FHL5: variants seen among roughly 807,000 people sequenced by gnomAD.
FHL5 encodes four and a half LIM domains protein 5.
A neutral mutation model predicts 32.0 loss-of-function variants in FHL5; 33 were observed. That is an observed-to-expected ratio of 1.03 (90% confidence interval 0.78 to 1.38). FHL5 has a LOEUF of 1.38. FHL5 is among the 40% of genes most tolerant of loss of function. FHL5 has a pLI of 0.00. For synonymous variants in FHL5, 114 were observed against 113.6 expected, an observed-to-expected ratio of 1.00 and a Z score of -0.02; for missense variants, 336 against 343.9, an observed-to-expected ratio of 0.98 and a Z score of 0.18.
intron 1 of FHL5, among the ~76,000 whole-genome samples, chr6:96,566,659 A>ATT (rs569064620): frequency 2.8e-3 from 410 of 147,766 alleles, no homozygotes; most frequent in African/African-American, 9.7e-3. Flanking sequence ...CCTTGTCAGC[A>ATT]TTTTTTTTTT....
chr6:96,564,261 T>C (rs567222179), intron 1 of FHL5, among the ~76,000 whole-genome samples: 10 of 152,302 alleles, frequency 6.6e-5, no homozygotes, highest in African/African-American at 2.4e-4. Flanking sequence ...CTAGCATTTT[T>C]ATTAGCAAAG....
At chr6:96,594,486 A>G (rs903687635) in intron 1 of FHL5, among the ~76,000 whole-genome samples, 5 of 151,472 alleles carry the variant, frequency 3.3e-5, no homozygotes, top group Admixed American at 2.0e-4. Context: ...AATTAGGCCG[A>G]CCTCTGGGTT....
chr6:96,571,473 T>C (rs1221222124), intron 1 of FHL5, among the ~76,000 whole-genome samples: 1 of 152,172 alleles, frequency 6.6e-6, no homozygotes, highest in Non-Finnish European at 1.5e-5. Context: ...GTGGCATGGG[T>C]TCTACGTGCA....
At chr6:96,602,727 T>C (rs1367329664) in intron 1 of FHL5, among the ~76,000 whole-genome samples, 1 of 152,188 alleles carries the variant, frequency 6.6e-6, no homozygotes, top group Non-Finnish European at 1.5e-5. Context: ...ATTCTAGCTA[T>C]TTTATCCATA....
intron 2 of FHL5, 112 bp from the exon 3 acceptor site, chr6:96,604,638 C>A: frequency 4.2e-6 from 3 of 721,154 alleles, no homozygotes; most frequent in Non-Finnish European, 6.4e-6. Flanking sequence ...TTCCCTCACG[C>A]TACTAGCACA....
intron 5 of FHL5, among the ~76,000 whole-genome samples, chr6:96,612,644 GACCCAAAAGTAATCTAAATTTT>G (rs1771435054): frequency 6.6e-6 from 1 of 151,982 alleles, no homozygotes; most frequent in Non-Finnish European, 1.5e-5. Flanking sequence ...TAAATAATCT[GACCCAAAAGTAATCTAAATTTT>G]ACCCAAAAGT....
At chr6:96,591,474 T>G (rs1770915566) in intron 1 of FHL5, among the ~76,000 whole-genome samples, 1 of 152,122 alleles carries the variant, frequency 6.6e-6, no homozygotes, top group Non-Finnish European at 1.5e-5. Context: ...GAACACTGTT[T>G]GGTATTATTT....
At chr6:96,603,917 G>T in intron 2 of FHL5, 145 bp downstream of exon 2, 1 of 617,646 alleles carries the variant, frequency 1.6e-6, no homozygotes, top group South Asian at 2.0e-5. Context: ...CAGCAGTCAA[G>T]CTCCAGCCAC....
intron 1 of FHL5, among the ~76,000 whole-genome samples, chr6:96,565,563 A>G (rs1348681601): frequency 1.3e-5 from 2 of 152,136 alleles, no homozygotes; most frequent in Non-Finnish European, 2.9e-5. Flanking sequence ...ATTCCTTTGC[A>G]TATTCATTTT....
At chr6:96,606,228 C>T (rs1207118649) in intron 4 of FHL5, among the ~76,000 whole-genome samples, 157 bp downstream of exon 4, 2 of 152,034 alleles carry the variant, frequency 1.3e-5, no homozygotes, top group African/African-American at 4.8e-5. Context: ...CTAGTTGTCA[C>T]GATGAGCATG....
At chr6:96,571,744 C>T (rs1770483423) in intron 1 of FHL5, among the ~76,000 whole-genome samples, 1 of 152,078 alleles carries the variant, frequency 6.6e-6, no homozygotes, top group Non-Finnish European at 1.5e-5. Context: ...GGAACTTTGG[C>T]CTTGGGAGCA....
intron 3 of FHL5, 143 bp downstream of exon 3, chr6:96,605,067 C>T: frequency 3.9e-6 from 2 of 513,138 alleles, no homozygotes; most frequent in Non-Finnish European, 6.7e-6. Flanking sequence ...CTTCCGTGTA[C>T]TTTAGAAATA....
At position 96,603,668 on chromosome 6, in the gene FHL5, A is replaced by G; in HGVS notation, c.55A>G (p.Lys19Glu). ...QYCTASLLGK[K>E]YVLKDDSPYC... The stretch of plus-strand genomic sequence containing the variant: ...CTGCACAGCATCACTTCTTGGGAAG[A>G]AATATGTACTAAAGGATGACAGTCC... The change falls in exon 2 of 6, where the codon AAA becomes GAA. Residue 19 changes from lysine (K) to glutamate (E), a missense_variant. Physicochemically the swap from Lys to Glu is moderately conservative, Grantham distance 56. Coordinates refer to ENST00000450218, the MANE Select transcript of FHL5 (RefSeq NM_001322466.2). 1 of 1,613,080 alleles carries G rather than the reference A, an allele frequency of 6.2e-7. No individual in the cohort carries two copies. Among genetic ancestry groups the G allele is most frequent in the East Asian group, 2.2e-5 (1 of 44,800 alleles).
Position 96,603,791 on chromosome 6 carries a change from T to G in FHL5, c.159+19T>G, listed in dbSNP as rs1161020821. 6.3e-7 allele frequency: 1 copy of G among 1,596,316 alleles called. No individual in the cohort carries two copies. Among genetic ancestry groups the G allele is most frequent in the Admixed American group, 1.7e-5 (1 of 58,368 alleles). ...TTCTAAGGTAAGTCTCACCTCAATT[T>G]ACAGAATTACTGCCTATGAACAGCA... On this transcript the variant is annotated intron_variant, in intron 2 of 5. Coordinates refer to ENST00000450218, the MANE Select transcript of FHL5 (RefSeq NM_001322466.2).
intron 1 of FHL5, among the ~76,000 whole-genome samples, chr6:96,594,256 TA>T (rs775328964): frequency 0.056 from 7,648 of 135,682 alleles, 398 homozygotes; most frequent in Middle Eastern, 0.12. Context: ...TATATATATA[TA>T]TATATATATA....
chr6:96,599,286 C>T (rs1771100912), intron 1 of FHL5, among the ~76,000 whole-genome samples: 1 of 150,558 alleles, frequency 6.6e-6, no homozygotes, highest in Non-Finnish European at 1.5e-5. Flanking sequence ...ACCTTCACCT[C>T]CTGGGTTCAA....
chr6:96,613,271 G>A (rs1183999501), intron 5 of FHL5, among the ~76,000 whole-genome samples: 2 of 152,148 alleles, frequency 1.3e-5, no homozygotes, highest in East Asian at 3.9e-4. Flanking sequence ...AAAAAGCTCT[G>A]AGAAATCTAC....
At chr6:96,568,925 T>C (rs559819133) in intron 1 of FHL5, among the ~76,000 whole-genome samples, 1 of 152,036 alleles carries the variant, frequency 6.6e-6, no homozygotes, top group African/African-American at 2.4e-5. Flanking sequence ...ATTTTGTTGA[T>C]ATTTTGTATT....
At chr6:96,593,289 TATGGCTTCCTGC>T (rs1486899474) in intron 1 of FHL5, among the ~76,000 whole-genome samples, 1 of 152,168 alleles carries the variant, frequency 6.6e-6, no homozygotes, top group African/African-American at 2.4e-5. Flanking sequence ...CTCCAAAATC[TATGGCTTCCTGC>T]ATGTATGTTT....
Sources: allele counts gnomAD v4.1 joint callset (sites outside exome capture counted in the v4.1 genomes callset), GRCh38; gene constraint gnomAD v4.1.1; transcripts MANE v1.5; gene names NCBI Gene and HGNC (gene_info 2026-07-23, HGNC 2026-07-21).